Variants in VRK1 observed in about 807,000 individuals in gnomAD.
VRK1 encodes the protein serine/threonine-protein kinase VRK1.
A neutral mutation model predicts 57.1 loss-of-function variants in VRK1; 33 were observed. The observed-to-expected ratio is 0.58, with a 90% CI of 0.44 to 0.77. VRK1 has a LOEUF of 0.77. Ranked by LOEUF, VRK1 falls within the 30% of genes least tolerant of loss-of-function variation. The pLI, the probability that VRK1 is intolerant of heterozygous loss-of-function variation, is 0.00. For missense variants in VRK1, 413 were observed against 477.3 expected (o/e 0.87, Z 1.25); for synonymous variants, 137 against 147.8 (o/e 0.93, Z 0.53).
At chr14:96,843,214 ATTTTCT>A (rs1887537789) in intron 3 of VRK1, among the ~76,000 whole-genome samples, 1 of 152,160 alleles carries the variant, frequency 6.6e-6, no homozygotes, top group African/African-American at 2.4e-5. Context: ...GGAGAAAGAA[ATTTTCT>A]TTTGTGTTTT....
chr14:96,853,071 T>C lies in VRK1; in HGVS notation c.484-3T>C. ...TAACTTATTCTGTATGATACTTTCA[T>C]AGCTGGATATTCTGGAATATATTCA... On this transcript the variant is annotated splice_polypyrimidine_tract_variant and splice_region_variant and intron_variant, in intron 6 of 12. Transcript: ENST00000216639. 2 of 1,613,758 alleles carry C rather than the reference T, an allele frequency of 1.2e-6. No individual in the cohort carries two copies. Among genetic ancestry groups the C allele is most frequent in the South Asian group, 1.1e-5 (1 of 91,066 alleles).
intron 1 of VRK1, among the ~76,000 whole-genome samples, chr14:96,811,146 G>C (rs920141596): frequency 6.6e-6 from 1 of 151,920 alleles, no homozygotes; most frequent in African/African-American, 2.4e-5. Context: ...GGCCAGGCTG[G>C]TCTTGAACTC....
intron 1 of VRK1, among the ~76,000 whole-genome samples, chr14:96,827,861 C>T (rs975999282): frequency 1.3e-5 from 2 of 152,080 alleles, no homozygotes; most frequent in Non-Finnish European, 2.9e-5. Context: ...CATAAATAAA[C>T]AGGATGAAAT....
In VRK1 at chr14:96,857,960, A is replaced by G. The variant is rs577816774; in HGVS notation, c.889+1374A>G. 1.2e-4 allele frequency among the ~76,000 whole-genome samples: 18 copies of G among 152,288 alleles called. No individual in the cohort carries two copies. In the South Asian group the frequency reaches 3.3e-3, roughly 28 times the overall value. ...AATACAGTGAATGAAATATGTAACA[A>G]TTCCTGTCCTCTTGAAATTATTGTT... On this transcript the variant is annotated intron_variant, in intron 10 of 12. Coordinates refer to ENST00000216639, the MANE Select transcript of VRK1 (RefSeq NM_003384.3).
At chr14:96,875,247 G>A (rs1174983457) in intron 11 of VRK1, among the ~76,000 whole-genome samples, 2 of 152,176 alleles carry the variant, frequency 1.3e-5, no homozygotes, top group East Asian at 3.9e-4. Context: ...AGAAAATGTT[G>A]TAGTGGTAGA....
chr14:96,837,882 C>G (rs184069514), intron 3 of VRK1, 65 bp downstream of exon 3: 3 of 1,165,244 alleles, frequency 2.6e-6, no homozygotes, highest in Admixed American at 2.5e-5. Flanking sequence ...TGTAAAATGC[C>G]TTTTTTGATT....
intron 1 of VRK1, among the ~76,000 whole-genome samples, chr14:96,815,855 A>C (rs1886372097): frequency 6.6e-6 from 1 of 151,514 alleles, no homozygotes; most frequent in Non-Finnish European, 1.5e-5. Flanking sequence ...CTGCTATTGC[A>C]CTCAGCCTGG....
At chr14:96,830,314 C>T (rs1886954000) in intron 1 of VRK1, among the ~76,000 whole-genome samples, 1 of 151,736 alleles carries the variant, frequency 6.6e-6, no homozygotes, top group African/African-American at 2.4e-5. Flanking sequence ...CTTTGATTTT[C>T]TTTGTTATAT....
chr14:96,819,095 C>T (rs568495994), intron 1 of VRK1, among the ~76,000 whole-genome samples: 1 of 152,112 alleles, frequency 6.6e-6, no homozygotes, highest in African/African-American at 2.4e-5. Flanking sequence ...GACTATCTTT[C>T]GTTTGATTTT....
At chr14:96,852,441 A>G (rs1455916149) in intron 5 of VRK1, among the ~76,000 whole-genome samples, 1 of 152,232 alleles carries the variant, frequency 6.6e-6, no homozygotes, top group Non-Finnish European at 1.5e-5. Context: ...ATAAGGAGAA[A>G]CAGTCACAGG....
rs777972732 is a variant in VRK1, at chr14:96,860,537, T to C, written c.890-20T>C. ...GAGAAATATATTGAAAGTTATAAAA[T>C]GATTGTGTTATTCTTTTAGGTGAAA... On this transcript the variant is annotated intron_variant, in intron 10 of 12. Coordinates refer to ENST00000216639, the MANE Select transcript of VRK1 (RefSeq NM_003384.3). 1 of 1,604,604 alleles carries C rather than the reference T, an allele frequency of 6.2e-7. No homozygotes were observed. Among genetic ancestry groups the C allele is most frequent in the South Asian group, 1.1e-5 (1 of 90,336 alleles).
chr14:96,860,799 A>C, intron 11 of VRK1, 64 bp downstream of exon 11: 6 of 1,554,718 alleles, frequency 3.9e-6, no homozygotes, highest in Middle Eastern at 3.7e-4. Context: ...AAATACTAAA[A>C]GAAAGTATAG....
In VRK1 at chr14:96,811,166, A is replaced by C. The variant is rs1391396151; in HGVS notation, c.-6+13719A>C. On this transcript the variant is annotated intron_variant, in intron 1 of 12. Transcript: ENST00000216639. ...GGCTGGTCTTGAACTCCTGACCTCA[A>C]GTGATCCACCCACCTTGGCCTCCCA... 1.4e-4 allele frequency among the ~76,000 whole-genome samples: 22 copies of C among 151,962 alleles called. 1 individual carries two copies. The highest frequency in any genetic ancestry group is 1.4e-3 in the Admixed American group (22 of 15,264).
rs138330725 is a variant in VRK1 at position 96,825,810 on chromosome 14, A to G, written c.-5-7657A>G. ...AATCAGAGTGTCTCTATACAGTGTA[A>G]AACATATCAGAGAAGTTTATGACTT... On this transcript the variant is annotated intron_variant, in intron 1 of 12. Coordinates refer to ENST00000216639, the MANE Select transcript of VRK1 (RefSeq NM_003384.3). Among the ~76,000 whole-genome samples the G allele has an allele frequency of 3.2e-4, 48 of 152,318 alleles. 1 individual carries two copies. In the East Asian group the frequency reaches 8.5e-3, roughly 27 times the overall value.
intron 4 of VRK1, among the ~76,000 whole-genome samples, chr14:96,846,471 C>T (rs534542090): frequency 6.6e-6 from 1 of 152,108 alleles, no homozygotes; most frequent in Admixed American, 6.5e-5. Context: ...GCCAGAACCT[C>T]TCCTAGTCAC....
intron 3 of VRK1, among the ~76,000 whole-genome samples, chr14:96,840,097 A>G (rs1034777291): frequency 1.0e-4 from 15 of 150,062 alleles, no homozygotes; most frequent in African/African-American, 3.5e-4. Context: ...TTCCAATCTC[A>G]TTGTTGATTT....
intron 1 of VRK1, among the ~76,000 whole-genome samples, chr14:96,825,049 GATTA>G (rs1566691847): frequency 6.6e-6 from 1 of 152,142 alleles, no homozygotes; most frequent in African/African-American, 2.4e-5. Context: ...ATTAGAGAAG[GATTA>G]ATTAATAGTG....
intron 1 of VRK1, among the ~76,000 whole-genome samples, chr14:96,823,413 T>A (rs899122756): frequency 6.6e-6 from 1 of 152,212 alleles, no homozygotes; most frequent in African/African-American, 2.4e-5. Context: ...TAACATTTAT[T>A]TATTGCTGTG....
At chr14:96,841,677 G>C (rs550542601) in intron 3 of VRK1, among the ~76,000 whole-genome samples, 2 of 151,890 alleles carry the variant, frequency 1.3e-5, no homozygotes, top group African/African-American at 4.8e-5. Flanking sequence ...GGCCAACATG[G>C]TGAAACCCCT....
Sources: allele counts gnomAD v4.1 joint callset (sites outside exome capture counted in the v4.1 genomes callset), GRCh38; gene constraint gnomAD v4.1.1; transcripts MANE v1.5; gene names NCBI Gene and HGNC (gene_info 2026-07-23, HGNC 2026-07-21).